Variants in MYT1L observed in about 807,000 individuals in gnomAD.
The protein encoded by MYT1L is myelin transcription factor 1-like protein.
In MYT1L, 12 loss-of-function variants were observed where a neutral mutation model predicts 126.7. That is an observed-to-expected ratio of 0.09 (90% confidence interval 0.06 to 0.15). The LOEUF is 0.15. Among genes scored for constraint, MYT1L ranks in the 10% least tolerant of loss-of-function variants. MYT1L has a pLI of 1.00. For missense variants in MYT1L, 979 were observed against 1,585.2 expected, an observed-to-expected ratio of 0.62 and a Z score of 6.49; for synonymous variants, 541 against 604.2, an observed-to-expected ratio of 0.90 and a Z score of 1.53.
At chr2:2,326,786 TATGATGTC>T (rs1224929560) in intron 1 of MYT1L, 1 of 152,224 alleles carries the variant, frequency 6.6e-6, no homozygotes, top group Non-Finnish European at 1.5e-5. Context: ...GAGGACTCAT[TATGATGTC>T]AAAGCCAAAA....
chr2:2,121,675 CG>C (rs1469246854), intron 3 of MYT1L, among the ~76,000 whole-genome samples: 1 of 151,970 alleles, frequency 6.6e-6, no homozygotes, highest in Non-Finnish European at 1.5e-5. Flanking sequence ...TTGGTAGAGA[CG>C]GGGTTTCACC....
chr2:1,999,547 T>A (rs986732351), intron 4 of MYT1L, among the ~76,000 whole-genome samples: 2 of 152,126 alleles, frequency 1.3e-5, no homozygotes, highest in Non-Finnish European at 2.9e-5. Context: ...AATTTAAAAA[T>A]ATAAAAATGT....
rs142441273 is a variant in MYT1L, at chr2:1,893,694, T to A, written c.2033-1407A>T. On this transcript the variant is annotated intron_variant, in intron 14 of 24. Transcript: ENST00000647738. ...GGAGCCAGGCTTCCCCAGGGACTCC[T>A]TCCCACAGAGGAAGAAGAGAACAAA... 6.2e-3 allele frequency among the ~76,000 whole-genome samples: 950 copies of A among 152,256 alleles called. 5 individuals carry two copies. The highest frequency in any genetic ancestry group is 0.024 in the Middle Eastern group (7 of 292).
In MYT1L at chr2:1,828,781, G is replaced by C. The variant is rs1187749482; in HGVS notation, c.3080+10368C>G. ...TTATGTTCTCATTTATAATGGACTA[G>C]AGAGGAACCAAAAAATAAATAGAAC... On this transcript the variant is annotated intron_variant, in intron 21 of 24. Coordinates refer to ENST00000647738, the MANE Select transcript of MYT1L (RefSeq NM_001303052.2). The C allele has an allele frequency of 2.6e-5, 4 of 152,180 alleles. No homozygotes were observed. In the East Asian group the frequency reaches 7.7e-4, roughly 29 times the overall value. 9.4% of individuals were successfully genotyped at this position (152,180 alleles called of 1,614,324 possible). A position where few individuals can be genotyped will look rare whatever the true frequency, so the allele number is the denominator to read the frequency against.
intron 8 of MYT1L, among the ~76,000 whole-genome samples, chr2:1,974,996 T>C (rs2060059147): frequency 6.6e-6 from 1 of 152,256 alleles, no homozygotes; most frequent in South Asian, 2.1e-4. Context: ...TGGAAATTAA[T>C]GTAGAACATC....
intron 3 of MYT1L, among the ~76,000 whole-genome samples, chr2:2,162,267 G>A (rs1009205184): frequency 2.0e-5 from 3 of 151,978 alleles, no homozygotes; most frequent in African/African-American, 4.8e-5. Flanking sequence ...CACAGAGAAG[G>A]TCAGGTGGGA....
intron 4 of MYT1L, among the ~76,000 whole-genome samples, chr2:2,023,228 C>A (rs529386404): frequency 6.6e-6 from 1 of 152,180 alleles, no homozygotes; most frequent in South Asian, 2.1e-4. Context: ...CCAGTGTGGG[C>A]ACTTTACCGA....
intron 1 of MYT1L, among the ~76,000 whole-genome samples, chr2:2,298,607 A>G (rs2095735411): frequency 6.6e-6 from 1 of 152,248 alleles, no homozygotes; most frequent in Non-Finnish European, 1.5e-5. Context: ...TCTGTTATCC[A>G]TAGTCACACA....
In MYT1L at chr2:1,912,823, T is replaced by C. The variant is rs975237965; in HGVS notation, c.1619-713A>G. Among the ~76,000 whole-genome samples, 2 of 152,142 alleles carry C rather than the reference T, an allele frequency of 1.3e-5. No individual in the cohort carries two copies. Among genetic ancestry groups the C allele is most frequent in the Admixed American group, 1.3e-4 (2 of 15,268 alleles). On this transcript the variant is annotated intron_variant, in intron 11 of 24. Coordinates refer to ENST00000647738, the MANE Select transcript of MYT1L (RefSeq NM_001303052.2). The surrounding 1 kb of genome is among the most constrained non-coding windows in gnomAD (Gnocchi z 4.3). ...TACTGGCTGGTCGGCAGGGGAGAGC[T>C]GCTTGAATTTTCCCAGCAGTGGTGT...
chr2:2,106,798 C>T lies in MYT1L; in HGVS notation c.-303-52675G>A, dbSNP rs2078818519. Among the ~76,000 whole-genome samples, 2 of 152,166 alleles carry T rather than the reference C, an allele frequency of 1.3e-5. 1 individual carries two copies. Among genetic ancestry groups the T allele is most frequent in the South Asian group, 4.1e-4 (2 of 4,834 alleles). On this transcript the variant is annotated intron_variant, in intron 3 of 24. Transcript: ENST00000647738. Reference sequence around the variant, plus strand: ...TTTGATGCATCCAGTATCTTAGAGGCATTTTCAAATTCAGTATGTCCAAGG... The same window carrying T: ...TTTGATGCATCCAGTATCTTAGAGGTATTTTCAAATTCAGTATGTCCAAGG...
At chr2:2,027,717 G>A (rs1013885781) in intron 4 of MYT1L, among the ~76,000 whole-genome samples, 4 of 152,296 alleles carry the variant, frequency 2.6e-5, no homozygotes, top group South Asian at 2.1e-4. Flanking sequence ...TTAACTTAGC[G>A]CTTCCATTAC....
intron 2 of MYT1L, among the ~76,000 whole-genome samples, chr2:2,194,741 G>T (rs1371293588): frequency 6.6e-6 from 1 of 152,102 alleles, no homozygotes; most frequent in Non-Finnish European, 1.5e-5. Context: ...CAACTCTAAA[G>T]CCAAGAACCT....
chr2:1,963,064 A>G (rs925382114), intron 8 of MYT1L, among the ~76,000 whole-genome samples: 9 of 152,196 alleles, frequency 5.9e-5, no homozygotes, highest in African/African-American at 1.9e-4. Context: ...GCCTCATGAA[A>G]TATGTTTCTT....
Position 1,839,187 on chromosome 2 carries a change from G to T in MYT1L, c.3042C>A (p.Gly1014=). The T allele has an allele frequency of 6.2e-7, 1 of 1,613,350 alleles. No individual in the cohort carries two copies. The highest frequency in any genetic ancestry group is 8.5e-7 in the Non-Finnish European group (1 of 1,179,840). ...GGAAGCTGCCGCTGACGTGGCCTGA[G>T]CCGTCGCATCCTGGCGTGGGGCAGG... The part of the protein sequence containing the change: ...GMSCPTPGCD[G]SGHVSGSFLT... The change falls in exon 21 of 25, where the codon GGC becomes GGA. Residue 1014 remains glycine, a synonymous_variant. Transcript: ENST00000647738.
chr2:2,049,295 C>T (rs1358806933), intron 4 of MYT1L, among the ~76,000 whole-genome samples: 2 of 152,172 alleles, frequency 1.3e-5, no homozygotes, highest in Non-Finnish European at 2.9e-5. Context: ...TGTGTATATA[C>T]ACATAGTACA....
chr2:2,056,823 C>G (rs569337743), intron 3 of MYT1L, among the ~76,000 whole-genome samples: 1 of 152,362 alleles, frequency 6.6e-6, no homozygotes, highest in South Asian at 2.1e-4. Context: ...CTGTTCTCAG[C>G]CAAAGTTTTG....
At chr2:2,157,319 T>C (rs577191601) in intron 3 of MYT1L, among the ~76,000 whole-genome samples, 3 of 152,192 alleles carry the variant, frequency 2.0e-5, no homozygotes, top group Non-Finnish European at 4.4e-5. Context: ...AGTTTAACAA[T>C]GACATATCAG....
chr2:1,995,777 G>C (rs1298985590), intron 5 of MYT1L, among the ~76,000 whole-genome samples: 1 of 152,158 alleles, frequency 6.6e-6, no homozygotes, highest in Non-Finnish European at 1.5e-5. Context: ...TTTATCAAGG[G>C]GAGTCCCAGG....
At chr2:1,962,447 G>T (rs775313450) in intron 8 of MYT1L, among the ~76,000 whole-genome samples, 19 of 152,222 alleles carry the variant, frequency 1.2e-4, no homozygotes, top group Non-Finnish European at 2.1e-4. Context: ...CTGGCGGAGG[G>T]TCTTGCCTTG....
Sources: allele counts gnomAD v4.1 joint callset (sites outside exome capture counted in the v4.1 genomes callset), GRCh38; gene constraint gnomAD v4.1.1; non-coding constraint Gnocchi (gnomAD v3.1); transcripts MANE v1.5; gene names NCBI Gene and HGNC (gene_info 2026-07-23, HGNC 2026-07-21).